Variants in HIVEP2 observed in about 807,000 individuals in gnomAD.
The protein encoded by HIVEP2 is HIVEP zinc finger 2.
A neutral mutation model predicts 180.7 loss-of-function variants in HIVEP2; 14 were observed. The ratio of observed to expected loss-of-function variants is 0.08; its 90% confidence interval spans 0.05 to 0.12. The LOEUF is 0.12. Ranked by LOEUF, HIVEP2 falls within the 10% of genes least tolerant of loss-of-function variation. The pLI is 1.00. For missense variants in HIVEP2, 2,579 were observed against 3,008.5 expected, an observed-to-expected ratio of 0.86 and a Z score of 3.34; for synonymous variants, 1,184 against 1,136.4, an observed-to-expected ratio of 1.04 and a Z score of -0.84.
At chr6:142,940,092 C>T (rs1312985092) in intron 1 of HIVEP2, among the ~76,000 whole-genome samples, 2 of 152,144 alleles carry the variant, frequency 1.3e-5, no homozygotes, top group Non-Finnish European at 2.9e-5. Context: ...AATGTCTCAG[C>T]CCTTTGCTAG....
chr6:142,842,612 T>G (rs1045212285), intron 1 of HIVEP2, among the ~76,000 whole-genome samples: 3 of 152,210 alleles, frequency 2.0e-5, no homozygotes, highest in African/African-American at 7.2e-5. Context: ...TCCACTTTCC[T>G]GAAGAACCAC....
chr6:142,855,092 T>C (rs534912662), intron 1 of HIVEP2, among the ~76,000 whole-genome samples: 68 of 152,318 alleles, frequency 4.5e-4, no homozygotes, highest in African/African-American at 1.6e-3. Context: ...GAGAAGGGAA[T>C]TGGCTCCAAA....
At chr6:142,757,070 T>G (rs1381111092) in intron 9 of HIVEP2, among the ~76,000 whole-genome samples, 1 of 152,188 alleles carries the variant, frequency 6.6e-6, no homozygotes. Context: ...CAATCTGCAT[T>G]TGAATTCATT....
At chr6:142,856,713 C>A (rs1350716930) in intron 1 of HIVEP2, among the ~76,000 whole-genome samples, 1 of 152,204 alleles carries the variant, frequency 6.6e-6, no homozygotes, top group Non-Finnish European at 1.5e-5. Context: ...ATGCAATCAG[C>A]AATGAAATCT....
chr6:142,852,722 T>C, intron 1 of HIVEP2, among the ~76,000 whole-genome samples: 1 of 152,200 alleles, frequency 6.6e-6, no homozygotes, highest in Non-Finnish European at 1.5e-5. Flanking sequence ...CCCATCACTA[T>C]CACATTCTAG....
At chr6:142,776,449 T>A (rs973494802) in intron 3 of HIVEP2, among the ~76,000 whole-genome samples, 1 of 152,202 alleles carries the variant, frequency 6.6e-6, no homozygotes, top group Non-Finnish European at 1.5e-5. Flanking sequence ...ATAAGATTAT[T>A]ATATATGAAA....
intron 1 of HIVEP2, among the ~76,000 whole-genome samples, chr6:142,926,177 T>C (rs1328775562): frequency 6.6e-6 from 1 of 152,246 alleles, no homozygotes; most frequent in Non-Finnish European, 1.5e-5. Context: ...TGTTCAACTT[T>C]TTACGTCTAC....
rs139345870 is a variant in HIVEP2 at position 142,828,079 on chromosome 6, A to T, written c.-528+8856T>A. 5.5e-4 allele frequency among the ~76,000 whole-genome samples: 84 copies of T among 152,278 alleles called. No individual in the cohort carries two copies. In the East Asian group the frequency reaches 0.014, roughly 26 times the overall value. ...GCCAAATCCATTGGTCCTTTCTTAGATCACAACATTGGTGATGACTTTGCG... is the reference window on the plus strand; with the variant it reads ...GCCAAATCCATTGGTCCTTTCTTAGTTCACAACATTGGTGATGACTTTGCG... On this transcript the variant is annotated intron_variant, in intron 2 of 9. Coordinates refer to ENST00000367603, the MANE Select transcript of HIVEP2 (RefSeq NM_006734.4).
In HIVEP2 at chr6:142,887,343, T is replaced by C. The variant is rs148554882; in HGVS notation, c.-640-50296A>G. On this transcript the variant is annotated intron_variant, in intron 1 of 9. Transcript: ENST00000367603. ...GAATGTATTAATACTTAATATTAAC[T>C]CAGAAACCAAAAATGTTTCACTAAT... Among the ~76,000 whole-genome samples, 3 of 152,248 alleles carry C rather than the reference T, an allele frequency of 2.0e-5. No homozygotes were observed. In the East Asian group the frequency reaches 5.8e-4, roughly 29 times the overall value.
At chr6:142,795,961 T>G (rs949372170) in intron 2 of HIVEP2, among the ~76,000 whole-genome samples, 1 of 152,072 alleles carries the variant, frequency 6.6e-6, no homozygotes, top group South Asian at 2.1e-4. Context: ...TCCTCATACA[T>G]AAGAAGGGGA....
intron 2 of HIVEP2, among the ~76,000 whole-genome samples, chr6:142,788,725 C>CAACA (rs113577368): frequency 1.3e-5 from 2 of 151,262 alleles, no homozygotes; most frequent in African/African-American, 2.4e-5. Context: ...AAAACAACAA[C>CAACA]AACAAACAAA....
chr6:142,903,066 C>G (rs1777171973), intron 1 of HIVEP2, among the ~76,000 whole-genome samples: 1 of 152,164 alleles, frequency 6.6e-6, no homozygotes, highest in Non-Finnish European at 1.5e-5. Flanking sequence ...GGTGTTTTCT[C>G]CTTTATTATA....
At chr6:142,760,716 G>A in intron 8 of HIVEP2, 49 bp from the exon 9 acceptor site, 3 of 1,329,938 alleles carry the variant, frequency 2.3e-6, no homozygotes, top group Non-Finnish European at 2.1e-6. Flanking sequence ...AAATATCAAG[G>A]TTAGGATCTT....
At chr6:142,865,192 G>T (rs552032843) in intron 1 of HIVEP2, among the ~76,000 whole-genome samples, 1 of 152,144 alleles carries the variant, frequency 6.6e-6, no homozygotes, top group South Asian at 2.1e-4. Context: ...CCAATATGCT[G>T]CCATTTTTAT....
intron 2 of HIVEP2, among the ~76,000 whole-genome samples, chr6:142,793,673 T>TTCTTTCTTTCTCTCTCTC (rs1289211652): frequency 1.9e-5 from 2 of 107,426 alleles, no homozygotes; most frequent in African/African-American, 7.4e-5. Flanking sequence ...CTTTCTTTCT[T>TTCTTTCTTTCTCTCTCTC]TCTCTCTCTC....
At chr6:142,813,633 G>C (rs535269423) in intron 2 of HIVEP2, among the ~76,000 whole-genome samples, 4 of 147,678 alleles carry the variant, frequency 2.7e-5, no homozygotes, top group Non-Finnish European at 5.9e-5. Flanking sequence ...AGAGTACAGT[G>C]GCACAATTAT....
chr6:142,851,111 T>G (rs1243993695), intron 1 of HIVEP2, among the ~76,000 whole-genome samples: 2 of 152,152 alleles, frequency 1.3e-5, no homozygotes, highest in Non-Finnish European at 2.9e-5. Flanking sequence ...CTTTCATAAG[T>G]TGAATTTAGA....
chr6:142,857,328 CT>C (rs1358590337), intron 1 of HIVEP2, among the ~76,000 whole-genome samples: 1 of 152,152 alleles, frequency 6.6e-6, no homozygotes, highest in East Asian at 1.9e-4. Flanking sequence ...TGTATAGCCC[CT>C]AGATCTAAGT....
At chr6:142,889,851 C>T (rs541314663) in intron 1 of HIVEP2, among the ~76,000 whole-genome samples, 18 of 152,290 alleles carry the variant, frequency 1.2e-4, no homozygotes, top group African/African-American at 2.9e-4. Context: ...ACACTGTAGC[C>T]GCTGGCCATA....
Sources: gnomAD v4.1 joint callset for allele counts (sites outside exome capture counted in the v4.1 genomes callset) on GRCh38, gnomAD v4.1.1 for gene constraint, MANE v1.5 for transcripts, NCBI Gene and HGNC (gene_info 2026-07-23, HGNC 2026-07-21) for gene names.